The following DGKZ variants were observed in gnomAD, a reference collection of about 807,000 sequenced individuals.
DGKZ encodes the protein diacylglycerol kinase zeta, also known as DAG kinase zeta.
DGKZ carries 45 observed loss-of-function variants against 142.5 expected under a neutral mutation model. The observed-to-expected ratio is 0.32, with a 90% CI of 0.25 to 0.40. DGKZ has a LOEUF of 0.40. Ranked by LOEUF, DGKZ falls within the 10% of genes least tolerant of loss-of-function variation. The pLI is 1.00. For synonymous variants in DGKZ, 442 were observed against 527.0 expected, an observed-to-expected ratio of 0.84 and a Z score of 2.21; for missense variants, 755 against 1,306.5, an observed-to-expected ratio of 0.58 and a Z score of 6.51.
intron 1 of DGKZ, among the ~76,000 whole-genome samples, chr11:46,353,980 G>T (rs1941709532): frequency 6.6e-6 from 1 of 152,212 alleles, no homozygotes; most frequent in Non-Finnish European, 1.5e-5. Context: ...AGAGAGGCGG[G>T]GGCGGTTGTG....
At chr11:46,361,030 G>A (rs532132931) in intron 1 of DGKZ, among the ~76,000 whole-genome samples, 1 of 152,356 alleles carries the variant, frequency 6.6e-6, no homozygotes, top group Middle Eastern at 3.4e-3. Context: ...CACAAGCCTC[G>A]AGTTGCCCCA....
intron 1 of DGKZ, among the ~76,000 whole-genome samples, chr11:46,355,807 C>T (rs970856086): frequency 2.0e-5 from 3 of 151,800 alleles, no homozygotes; most frequent in Non-Finnish European, 4.4e-5. Flanking sequence ...AGCGCAATGG[C>T]GCGGTCTCGG....
intron 1 of DGKZ, among the ~76,000 whole-genome samples, chr11:46,363,616 G>A (rs771422311): frequency 2.0e-5 from 3 of 152,198 alleles, no homozygotes; most frequent in African/African-American, 4.8e-5. Context: ...GTCTGGGGCC[G>A]CAAGCTGGGC....
chr11:46,375,792 G>A (rs142276931), intron 20 of DGKZ, 59 bp from the exon 21 acceptor site: 38 of 1,535,954 alleles, frequency 2.5e-5, no homozygotes, highest in African/African-American at 4.1e-5. Flanking sequence ...GTGCCAGGCC[G>A]AGGGTGGCAC....
chr11:46,379,718 G>C lies in DGKZ; in HGVS notation c.2689-113G>C, dbSNP rs532065415. The C allele has an allele frequency of 6.1e-6, 8 of 1,303,082 alleles. No homozygotes were observed. In the South Asian group the frequency reaches 1.0e-4, roughly 17 times the overall value. The allele number at this position is 1,303,082 out of a possible 1,614,324, so 80.7% of individuals were successfully genotyped here. ...CCAGCAGGGGAGGAGCTGGTGGGCA[G>C]AGAGGCCTCCCTCCCTGACCAGGCC... On this transcript the variant is annotated intron_variant, in intron 30 of 30. Transcript: ENST00000527911.
At chr11:46,350,274 G>A (rs1429850481) in intron 1 of DGKZ, among the ~76,000 whole-genome samples, 1 of 152,154 alleles carries the variant, frequency 6.6e-6, no homozygotes, top group Non-Finnish European at 1.5e-5. Flanking sequence ...GGTGGGTGCT[G>A]GGGGCAGACA....
At chr11:46,333,086 G>A in exon 1 of DGKZ, 1 of 431,006 alleles carries the variant, frequency 2.3e-6, no homozygotes, top group South Asian at 1.2e-4. Flanking sequence ...ACCCCGGCCC[G>A]CCTCTCCCAG....
intron 1 of DGKZ, among the ~76,000 whole-genome samples, chr11:46,349,086 C>T (rs61882680): frequency 0.021 from 3,154 of 152,290 alleles, 49 homozygotes; most frequent in Non-Finnish European, 0.032. Context: ...GCCCTCTACC[C>T]GTCTCACCCG....
At chr11:46,373,089 C>T (rs375796407) in exon 14 of DGKZ, 13 of 1,543,158 alleles carry the variant, frequency 8.4e-6, no homozygotes, top group Admixed American at 2.1e-5. Flanking sequence ...GAGATGAAGG[C>T]GCCACCGACC....
At position 46,376,619 on chromosome 11, in the gene DGKZ, C is replaced by T. The variant is rs1944574896; in HGVS notation, c.2202+55C>T. On this transcript the variant is annotated intron_variant, in intron 24 of 30. Transcript: ENST00000527911. ...AGCTGCTTCCGGGCCCCAGGGTCGC[C>T]TCTCCTGGGACGCCTTCCCTGTTAG... 4 of 1,609,308 alleles carry T rather than the reference C, an allele frequency of 2.5e-6. No individual in the cohort carries two copies. The South Asian group carries it at 3.3e-5, about 13-fold the overall frequency.
upstream of DGKZ, chr11:46,345,395 G>C: frequency 7.0e-7 from 1 of 1,423,226 alleles, no homozygotes; most frequent in East Asian, 3.0e-5. This position sits in a 1 kb window ranked among gnomAD's most constrained non-coding sequence, Gnocchi z 4.1. Context: ...AAGAGGAAGA[G>C]AGTCGCCGGG....
rs1443525784 is a variant in DGKZ at position 46,366,852 on chromosome 11, C to T, written c.162-439C>T. 8 of 1,546,652 alleles carry T rather than the reference C, an allele frequency of 5.2e-6. No individual in the cohort carries two copies. The Admixed American group carries it at 7.6e-5, about 15-fold the overall frequency. On this transcript the variant is annotated intron_variant, in intron 1 of 30. Transcript: ENST00000527911. Reference sequence around the variant, plus strand: ...CGGCCCTCAGGCCAGCACCCTGGCCCTGGGGGCCGAAGAGCCTCAGGCACC... The same window carrying T: ...CGGCCCTCAGGCCAGCACCCTGGCCTTGGGGGCCGAAGAGCCTCAGGCACC...
chr11:46,373,216 T>G, intron 14 of DGKZ, 115 bp downstream of exon 14: 3 of 1,209,722 alleles, frequency 2.5e-6, no homozygotes. Context: ...CAACTTCCAC[T>G]TCTTCCTTGT....
chr11:46,368,114 C>A (rs1269808993), intron 4 of DGKZ, 35 bp downstream of exon 4: 10 of 1,610,038 alleles, frequency 6.2e-6, no homozygotes, highest in Non-Finnish European at 8.5e-6. Context: ...CGCCCCTGCC[C>A]TTTGGGTGCT....
chr11:46,369,379 T>C (rs1217670140), intron 4 of DGKZ, 115 bp from the exon 5 acceptor site: 1 of 1,274,970 alleles, frequency 7.8e-7, no homozygotes, highest in Non-Finnish European at 1.1e-6. Context: ...TCGTGACGAT[T>C]TGGGGGTATC....
intron 1 of DGKZ, chr11:46,364,424 A>C: frequency 7.8e-7 from 1 of 1,287,384 alleles, no homozygotes. Flanking sequence ...AGCGCTCTCC[A>C]CCCATGCCTG....
chr11:46,342,491 G>A (rs1383993155), upstream of DGKZ, among the ~76,000 whole-genome samples: 1 of 152,214 alleles, frequency 6.6e-6, no homozygotes, highest in Non-Finnish European at 1.5e-5. Flanking sequence ...AACTGCTCGA[G>A]CTACTTGCAA....
In DGKZ at chr11:46,335,240, G is replaced by C. The variant is rs1015205624; in HGVS notation, c.212+1753G>C. Among the ~76,000 whole-genome samples, 11 of 152,110 alleles carry C rather than the reference G, an allele frequency of 7.2e-5. No homozygotes were observed. In the Middle Eastern group the frequency reaches 0.014, roughly 188 times the overall value. ...GAGACAGGAGAATCACTTGAACCTG[G>C]GAGGCAGAGGTTGCAGTGAGCAGAG... On this transcript the variant is annotated intron_variant, in intron 1 of 30. Transcript: ENST00000343674.
intron 1 of DGKZ, among the ~76,000 whole-genome samples, chr11:46,359,535 A>T (rs1381482876): frequency 6.6e-6 from 1 of 152,218 alleles, no homozygotes; most frequent in Non-Finnish European, 1.5e-5. Context: ...GCTTGATGTT[A>T]CAAAATTCAA....
Sources: gnomAD v4.1 joint callset for allele counts (sites outside exome capture counted in the v4.1 genomes callset) on GRCh38, gnomAD v4.1.1 for gene constraint, Gnocchi (gnomAD v3.1) non-coding constraint, MANE v1.5 for transcripts, NCBI Gene and HGNC (gene_info 2026-07-23, HGNC 2026-07-21) for gene names.